The following ZPBP variants were observed in gnomAD, a reference collection of about 807,000 sequenced individuals.
The protein encoded by ZPBP is zona pellucida-binding protein 1.
Under a neutral mutation model 44.8 loss-of-function variants are expected in ZPBP, and 26 were observed. The observed-to-expected ratio is 0.58, with a 90% CI of 0.43 to 0.81. ZPBP has a LOEUF of 0.81. Ranked by LOEUF, ZPBP falls within the 30% of genes least tolerant of loss-of-function variation. ZPBP has a pLI of 0.00. For synonymous variants in ZPBP, 174 were observed against 153.2 expected (o/e 1.14, Z -1.00); for missense variants, 409 against 434.0 (o/e 0.94, Z 0.51).
chr7:49,915,750 G>A (rs985736104), intron 1 of ZPBP: 9 of 152,074 alleles, frequency 5.9e-5, no homozygotes, highest in Admixed American at 5.2e-4. Flanking sequence ...TGCTTCAATG[G>A]GCAAGAGATC....
rs181361605 is a variant in ZPBP at position 50,053,694 on chromosome 7, T to C, written c.487+4295A>G. ...TTCTGCTCTGTAACATCTTTAGAGC[T>C]GACAGTCTGTTTTTTACTTCATGCT... On this transcript the variant is annotated intron_variant, in intron 4 of 7. Coordinates refer to ENST00000046087, the MANE Select transcript of ZPBP (RefSeq NM_007009.3). 1.8e-3 allele frequency among the ~76,000 whole-genome samples: 267 copies of C among 152,330 alleles called. 3 individuals are homozygous for C. Among genetic ancestry groups the C allele is most frequent in the African/African-American group, 5.9e-3 (245 of 41,566 alleles).
At chr7:50,092,241 G>A (rs962783877) in intron 1 of ZPBP, among the ~76,000 whole-genome samples, 2 of 152,056 alleles carry the variant, frequency 1.3e-5, no homozygotes, top group African/African-American at 4.8e-5. Flanking sequence ...GATGGCTATC[G>A]GCTATTCATA....
chr7:50,011,963 A>T (rs1798604297), intron 6 of ZPBP, among the ~76,000 whole-genome samples: 2 of 151,808 alleles, frequency 1.3e-5, no homozygotes, highest in African/African-American at 4.8e-5. Flanking sequence ...CCTGGGAGGC[A>T]GAAGTTGCAG....
At chr7:49,943,102 T>C in intron 7 of ZPBP, 1 of 354,208 alleles carries the variant, frequency 2.8e-6, no homozygotes, top group Non-Finnish European at 5.5e-6. Flanking sequence ...TTGAGGACTA[T>C]CCACCCACAG....
intron 4 of ZPBP, among the ~76,000 whole-genome samples, chr7:50,039,188 A>G (rs1339331635): frequency 6.6e-6 from 1 of 152,220 alleles, no homozygotes; most frequent in Non-Finnish European, 1.5e-5. Flanking sequence ...AAATTGAAGA[A>G]GATATGGTTA....
intron 7 of ZPBP, among the ~76,000 whole-genome samples, chr7:49,955,566 A>AT (rs1338347844): frequency 2.0e-5 from 3 of 152,186 alleles, no homozygotes; most frequent in African/African-American, 7.2e-5. Context: ...CAAAAAAAAA[A>AT]CTAAAGAAAG....
At chr7:49,842,323 C>G in the ZPBP span, among the ~76,000 whole-genome samples, 2 of 152,082 alleles carry the variant, frequency 1.3e-5, no homozygotes, top group East Asian at 3.9e-4. Flanking sequence ...AAACCTAAAA[C>G]TATATTATCT....
chr7:50,047,350 C>A (rs1584114725), intron 4 of ZPBP, among the ~76,000 whole-genome samples: 1 of 151,844 alleles, frequency 6.6e-6, no homozygotes, highest in African/African-American at 2.4e-5. Flanking sequence ...CTTCCAGATC[C>A]TTTCTGATAA....
rs574435780 is a variant in ZPBP at position 49,872,687 on chromosome 7, C to T, written n.510-22173G>A. Among the ~76,000 whole-genome samples, 4 of 151,074 alleles carry T rather than the reference C, an allele frequency of 2.6e-5. No individual in the cohort carries two copies. The East Asian group carries it at 7.8e-4, about 29-fold the overall frequency. ...TTGGGAGGTCAAGGTGGGCGGATCA[C>T]CTGAGGTCAGGAGTTCCAGACCAGC... On this transcript the variant is annotated intron_variant and non_coding_transcript_variant, in intron 2 of 2. Coordinates refer to the ZPBP transcript ENST00000465922.
chr7:49,958,236 G>C (rs1458403665), intron 7 of ZPBP, among the ~76,000 whole-genome samples: 2 of 152,144 alleles, frequency 1.3e-5, no homozygotes, highest in African/African-American at 4.8e-5. Flanking sequence ...TTAGATGAGA[G>C]ACTCTAGACT....
At chr7:49,933,760 G>A (rs1022220905), downstream of ZPBP, among the ~76,000 whole-genome samples, 3 of 152,070 alleles carry the variant, frequency 2.0e-5, no homozygotes, top group Non-Finnish European at 2.9e-5. Context: ...TAGGGACATG[G>A]ATGAAGCTGG....
At chr7:50,085,764 T>C (rs564006992) in intron 2 of ZPBP, among the ~76,000 whole-genome samples, 86 of 152,208 alleles carry the variant, frequency 5.7e-4, no homozygotes, top group Non-Finnish European at 9.7e-4. Flanking sequence ...GGGAAAACAA[T>C]AGGTTAACCA....
At chr7:50,002,974 C>T (rs571197049) in intron 6 of ZPBP, among the ~76,000 whole-genome samples, 13 of 152,118 alleles carry the variant, frequency 8.5e-5, no homozygotes, top group East Asian at 1.9e-4. Flanking sequence ...TGTATGTTTT[C>T]GTCCATGCAA....
At chr7:49,941,062 T>C (rs748540682) in intron 7 of ZPBP, among the ~76,000 whole-genome samples, 3 of 152,138 alleles carry the variant, frequency 2.0e-5, no homozygotes, top group Non-Finnish European at 2.9e-5. Flanking sequence ...TCCACATCAC[T>C]AAGCGTAAGA....
intron 6 of ZPBP, among the ~76,000 whole-genome samples, chr7:49,990,949 C>A (rs1251766936): frequency 6.6e-6 from 1 of 152,116 alleles, no homozygotes; most frequent in African/African-American, 2.4e-5. Flanking sequence ...CAACAGATAT[C>A]ATACAGGATT....
intron 3 of ZPBP, among the ~76,000 whole-genome samples, chr7:50,070,804 C>A (rs1031035960): frequency 5.3e-5 from 8 of 152,116 alleles, no homozygotes; most frequent in Non-Finnish European, 8.8e-5. Flanking sequence ...TTAATTGAGA[C>A]ATGTATTATA....
At chr7:50,006,581 T>C (rs536544585) in intron 6 of ZPBP, among the ~76,000 whole-genome samples, 3 of 152,140 alleles carry the variant, frequency 2.0e-5, no homozygotes, top group Admixed American at 2.0e-4. Flanking sequence ...GAAGGAAACT[T>C]ATAGCTATAA....
In ZPBP at chr7:50,076,443, G is replaced by A. The variant is rs769458265; in HGVS notation, c.334+5331C>T. On this transcript the variant is annotated intron_variant, in intron 3 of 7. Coordinates refer to ENST00000046087, the MANE Select transcript of ZPBP (RefSeq NM_007009.3). Reference sequence around the variant, plus strand: ...GCAATCAGACAAGATAGATACAAAGGCATCCAAATTGGAAAGAAAGAAGTT... The same window carrying A: ...GCAATCAGACAAGATAGATACAAAGACATCCAAATTGGAAAGAAAGAAGTT... Among the ~76,000 whole-genome samples the A allele has an allele frequency of 3.3e-5, 5 of 151,948 alleles. No individual in the cohort carries two copies. In the East Asian group the frequency reaches 9.7e-4, roughly 29 times the overall value.
intron 1 of ZPBP, among the ~76,000 whole-genome samples, chr7:50,092,475 T>C (rs955425115): frequency 3.3e-5 from 5 of 152,232 alleles, no homozygotes; most frequent in African/African-American, 1.2e-4. Context: ...GGGTCTAGAA[T>C]TTTGAGTCTA....
Sources: gnomAD v4.1 joint callset for allele counts (sites outside exome capture counted in the v4.1 genomes callset) on GRCh38, gnomAD v4.1.1 for gene constraint, MANE v1.5 for transcripts, NCBI Gene and HGNC (gene_info 2026-07-23, HGNC 2026-07-21) for gene names.